The following DENND4C variants were observed in gnomAD, a reference collection of about 807,000 sequenced individuals.
DENND4C encodes DENN domain containing 4C.
Under a neutral mutation model 203.0 loss-of-function variants are expected in DENND4C, and 108 were observed. The ratio of observed to expected loss-of-function variants is 0.53; its 90% confidence interval spans 0.46 to 0.62. The LOEUF is 0.62. Ranked by LOEUF, DENND4C falls within the 20% of genes least tolerant of loss-of-function variation. The probability of loss-of-function intolerance (pLI) is 0.00; values close to 1 mark genes in which losing one functional copy is unlikely to be tolerated. For missense variants in DENND4C, 2,481 were observed against 2,301.2 expected (o/e 1.08, Z -1.60); for synonymous variants, 871 against 792.4 (o/e 1.10, Z -1.67).
intron 10 of DENND4C, among the ~76,000 whole-genome samples, chr9:19,308,843 G>A (rs1243926276): frequency 2.6e-5 from 4 of 152,074 alleles, no homozygotes; most frequent in Non-Finnish European, 5.9e-5. Context: ...TTCTACATTT[G>A]TATAAATATG....
chr9:19,337,559 T>C (rs1820756064), intron 20 of DENND4C: 3 of 1,158,816 alleles, frequency 2.6e-6, no homozygotes, highest in African/African-American at 3.3e-5. Flanking sequence ...TGCTGTTTCT[T>C]GGTGCTGCAT....
At chr9:19,342,932 T>C (rs1821971660) in intron 22 of DENND4C, among the ~76,000 whole-genome samples, 153 bp downstream of exon 22, 1 of 152,182 alleles carries the variant, frequency 6.6e-6, no homozygotes, top group African/African-American at 2.4e-5. Flanking sequence ...CTAAAGAAAT[T>C]GAAAATATTG....
intron 16 of DENND4C, among the ~76,000 whole-genome samples, chr9:19,328,657 G>GTCTGTCTA (rs1456677474): frequency 0.013 from 1,564 of 119,350 alleles, 7 homozygotes; most frequent in Non-Finnish European, 0.017. Context: ...CTGTCTGTCT[G>GTCTGTCTA]TCTATCTATC....
chr9:19,274,887 TAAAAGA>T (rs1564109139), intron 1 of DENND4C, among the ~76,000 whole-genome samples: 1 of 152,190 alleles, frequency 6.6e-6, no homozygotes, highest in Non-Finnish European at 1.5e-5. Flanking sequence ...TCCTGTAACT[TAAAAGA>T]GAATGATATT....
intron 5 of DENND4C, among the ~76,000 whole-genome samples, chr9:19,291,999 A>G (rs1475920422): frequency 6.6e-6 from 1 of 152,078 alleles, no homozygotes; most frequent in Non-Finnish European, 1.5e-5. Flanking sequence ...AGAAAAATAA[A>G]CAAATAAGTA....
In DENND4C at chr9:19,280,163, T is replaced by TCCCTTCC. The variant is rs6150942; in HGVS notation, c.305+3684_305+3685insCCCTTCC. Reference sequence around the variant, plus strand: ...CTGCCTTCCTCCCTTCCTCCCTTCCTTTTTTTTTGGACAGAGTCTCGCTCT... The same window carrying TCCCTTCC: ...CTGCCTTCCTCCCTTCCTCCCTTCCTCCCTTCCTTTTTTTTGGACAGAGTCTCGCTCT... On this transcript the variant is annotated intron_variant, in intron 2 of 32. Transcript: ENST00000434457. 1.3e-3 allele frequency among the ~76,000 whole-genome samples: 200 copies of TCCCTTCC among 151,132 alleles called. 1 individual carries two copies. The highest frequency in any genetic ancestry group is 4.5e-3 in the African/African-American group (186 of 41,202).
chr9:19,236,869 A>G (rs1822097247), intron 1 of DENND4C, among the ~76,000 whole-genome samples: 1 of 152,220 alleles, frequency 6.6e-6, no homozygotes, highest in African/African-American at 2.4e-5. Flanking sequence ...TACTTTTTCT[A>G]AAAGATCATT....
chr9:19,329,708 T>C (rs1287824520), intron 16 of DENND4C, among the ~76,000 whole-genome samples: 1 of 152,214 alleles, frequency 6.6e-6, no homozygotes, highest in African/African-American at 2.4e-5. Flanking sequence ...CCTTGTCAAT[T>C]CTTGTTATTG....
intron 17 of DENND4C, among the ~76,000 whole-genome samples, chr9:19,334,209 C>T (rs1563813859): frequency 1.3e-5 from 2 of 152,100 alleles, no homozygotes; most frequent in Admixed American, 1.3e-4. Context: ...CCACGCCTGG[C>T]TAATTTTTGT....
chr9:19,319,547 T>G (rs1387235021), intron 12 of DENND4C, among the ~76,000 whole-genome samples: 2 of 150,826 alleles, frequency 1.3e-5, no homozygotes, highest in Non-Finnish European at 2.9e-5. Flanking sequence ...AGTGATGAGC[T>G]TTAGAGGTGC....
intron 25 of DENND4C, 72 bp from the exon 26 acceptor site, chr9:19,352,418 T>C: frequency 7.1e-7 from 1 of 1,415,712 alleles, no homozygotes; most frequent in African/African-American, 1.4e-5. Context: ...AAAATCCCAT[T>C]ATCTCAAGAG....
chr9:19,336,509 C>A, intron 19 of DENND4C, 95 bp downstream of exon 19: 1 of 1,461,344 alleles, frequency 6.8e-7, no homozygotes. Flanking sequence ...ACTTAAATTC[C>A]GGTAGACATT....
At chr9:19,275,039 C>T (rs1274628675) in intron 1 of DENND4C, among the ~76,000 whole-genome samples, 1 of 152,254 alleles carries the variant, frequency 6.6e-6, no homozygotes, top group Non-Finnish European at 1.5e-5. Context: ...TGCAGTGGCA[C>T]GATCCTGGCT....
rs1245702990 is a variant in DENND4C, at chr9:19,373,369, A to G, written c.*1196A>G. On this transcript the variant is annotated 3_prime_UTR_variant, in exon 33 of 33. Transcript: ENST00000434457. Reference sequence around the variant, plus strand: ...CCTAATAATTTATGGAATTCATTGGAATGTGCTTAAAATGCTAAAGTGTAT... The same window carrying G: ...CCTAATAATTTATGGAATTCATTGGGATGTGCTTAAAATGCTAAAGTGTAT... 1 of 152,668 alleles carries G rather than the reference A, an allele frequency of 6.6e-6. No individual in the cohort carries two copies. The highest frequency in any genetic ancestry group is 2.4e-5 in the African/African-American group (1 of 41,470). 9.5% of individuals were successfully genotyped at this position (152,668 alleles called of 1,614,324 possible). A position where few individuals can be genotyped will look rare whatever the true frequency, so the allele number is the denominator to read the frequency against.
intron 1 of DENND4C, among the ~76,000 whole-genome samples, chr9:19,235,495 C>T (rs558983858): frequency 6.6e-6 from 1 of 151,780 alleles, no homozygotes; most frequent in East Asian, 1.9e-4. Flanking sequence ...TTCTTATACT[C>T]TTATACTTAA....
intron 16 of DENND4C, among the ~76,000 whole-genome samples, chr9:19,331,578 C>T (rs1039302713): frequency 2.1e-4 from 32 of 152,098 alleles, no homozygotes; most frequent in African/African-American, 7.7e-4. Flanking sequence ...GAGTGGAAAT[C>T]TTGGCAGGAG....
intron 30 of DENND4C, among the ~76,000 whole-genome samples, chr9:19,362,215 A>G (rs1217480034): frequency 6.6e-6 from 1 of 152,214 alleles, no homozygotes; most frequent in Non-Finnish European, 1.5e-5. Flanking sequence ...CAAAGGTTGC[A>G]ATGAGCTGAG....
At chr9:19,234,253 C>T (rs1221484556) in intron 1 of DENND4C, among the ~76,000 whole-genome samples, 1 of 151,362 alleles carries the variant, frequency 6.6e-6, no homozygotes, top group Non-Finnish European at 1.5e-5. Context: ...TTTTTTGAGA[C>T]CGAGTCTCGC....
chr9:19,326,273 G>A (rs989265446), intron 15 of DENND4C, 79 bp downstream of exon 15: 2 of 1,423,874 alleles, frequency 1.4e-6, no homozygotes, highest in South Asian at 1.6e-5. Context: ...ATGTATATTA[G>A]TCTTTTGTGA....
Sources: gnomAD v4.1 joint callset for allele counts (sites outside exome capture counted in the v4.1 genomes callset) on GRCh38, gnomAD v4.1.1 for gene constraint, MANE v1.5 for transcripts, NCBI Gene and HGNC (gene_info 2026-07-23, HGNC 2026-07-21) for gene names.